BRAF: variants seen among roughly 807,000 people sequenced by gnomAD.
BRAF encodes serine/threonine-protein kinase B-raf.
BRAF carries 16 observed loss-of-function variants against 104.6 expected under a neutral mutation model. The observed-to-expected ratio is 0.15, with a 90% CI of 0.10 to 0.23. BRAF has a LOEUF of 0.23. Ranked by LOEUF, BRAF falls within the 10% of genes least tolerant of loss-of-function variation. BRAF has a pLI of 1.00. For missense variants in BRAF, 541 were observed against 937.3 expected (o/e 0.58, Z 5.52); for synonymous variants, 310 against 341.6 (o/e 0.91, Z 1.02).
intron 14 of BRAF, among the ~76,000 whole-genome samples, chr7:140,761,182 C>T (rs559222995): frequency 6.3e-4 from 96 of 152,232 alleles, no homozygotes; most frequent in South Asian, 2.7e-3. Flanking sequence ...AGACTAACAG[C>T]GGATCTCTCA....
At chr7:140,891,368 A>G (rs1814198535) in intron 1 of BRAF, among the ~76,000 whole-genome samples, 1 of 152,228 alleles carries the variant, frequency 6.6e-6, no homozygotes, top group Non-Finnish European at 1.5e-5. Flanking sequence ...AGTCTCTTAT[A>G]TAAAAAGGGA....
chr7:140,884,241 C>T (rs1813266081), intron 1 of BRAF: 1 of 151,620 alleles, frequency 6.6e-6, no homozygotes, highest in Non-Finnish European at 1.5e-5. Flanking sequence ...CCAACACACT[C>T]GTTATATAAA....
chr7:140,765,454 C>T (rs1799212410), intron 14 of BRAF, among the ~76,000 whole-genome samples: 1 of 152,274 alleles, frequency 6.6e-6, no homozygotes, highest in East Asian at 1.9e-4. Flanking sequence ...CAAATGGGAT[C>T]TAACTAAACT....
chr7:140,717,866 T>A (rs958009664), downstream of BRAF, among the ~76,000 whole-genome samples: 2 of 152,220 alleles, frequency 1.3e-5, no homozygotes, highest in East Asian at 1.9e-4. Context: ...AAACTGCAGT[T>A]CATAGGAAAT....
chr7:140,722,482 T>G lies in BRAF; in HGVS notation c.*4012A>C, dbSNP rs749366613. 13 of 1,055,660 alleles carry G rather than the reference T, an allele frequency of 1.2e-5. No homozygotes were observed. Among genetic ancestry groups the G allele is most frequent in the Non-Finnish European group, 1.5e-5 (13 of 873,256 alleles). The allele number at this position is 1,055,660 out of a possible 1,614,324, so 65.4% of individuals were successfully genotyped here. On this transcript the variant is annotated 3_prime_UTR_variant, in exon 20 of 20. Transcript: ENST00000644969. ...CAAGGTATTTTTCTAGAGCCTCACCTACACCATTTCAACTCATGACCTGTA... is the reference window on the plus strand; with the variant it reads ...CAAGGTATTTTTCTAGAGCCTCACCGACACCATTTCAACTCATGACCTGTA...
intron 2 of BRAF, among the ~76,000 whole-genome samples, chr7:140,838,641 T>C (rs912313290): frequency 6.6e-6 from 1 of 152,126 alleles, no homozygotes; most frequent in African/African-American, 2.4e-5. Context: ...ACAACGGACT[T>C]GAAATTATCA....
At chr7:140,791,352 G>A (rs543937729) in intron 8 of BRAF, among the ~76,000 whole-genome samples, 1 of 152,130 alleles carries the variant, frequency 6.6e-6, no homozygotes, top group African/African-American at 2.4e-5. Flanking sequence ...AATCGTAATG[G>A]CAACTGACAC....
intron 14 of BRAF, among the ~76,000 whole-genome samples, chr7:140,774,063 G>C (rs190060238): frequency 6.6e-6 from 1 of 152,022 alleles, no homozygotes; most frequent in Non-Finnish European, 1.5e-5. Flanking sequence ...AAGATGTGTC[G>C]GTACATTTAA....
intron 11 of BRAF, among the ~76,000 whole-genome samples, chr7:140,782,711 T>C (rs975399010): frequency 3.3e-5 from 5 of 152,218 alleles, no homozygotes; most frequent in African/African-American, 1.2e-4. Context: ...AGTAGATATC[T>C]GAAATATCTG....
chr7:140,884,427 A>ATGTGTGTGTGTGTGTG (rs1491354147), intron 1 of BRAF, among the ~76,000 whole-genome samples: 9 of 114,664 alleles, frequency 7.8e-5, no homozygotes, highest in African/African-American at 2.3e-4. Flanking sequence ...TATATATAAG[A>ATGTGTGTGTGTGTGTG]TATGTGTGTG....
At chr7:140,809,372 C>T (rs1167644480) in intron 3 of BRAF, among the ~76,000 whole-genome samples, 1 of 152,128 alleles carries the variant, frequency 6.6e-6, no homozygotes, top group African/African-American at 2.4e-5. Context: ...AAGCTGAAAA[C>T]TGTATAACCC....
At position 140,749,347 on chromosome 7, in the gene BRAF, A is replaced by G. The variant is rs1380079745; in HGVS notation, c.2052T>C (p.Ile684=). The part of the protein sequence containing the change: ...SFQSDVYAFG[I]VLYELMTGQL... ...GTCCAGTCATCAATTCATACAGAACAATTCCAAATGCATATACATCTGACT... is the reference window on the plus strand; with the variant it reads ...GTCCAGTCATCAATTCATACAGAACGATTCCAAATGCATATACATCTGACT... Residue 684 remains isoleucine (I), a synonymous_variant, in exon 17 of 20, where the codon ATT becomes ATC. Coordinates refer to ENST00000644969, the MANE Select transcript of BRAF (RefSeq NM_001374258.1). 2 of 1,612,882 alleles carry G rather than the reference A, an allele frequency of 1.2e-6. No homozygotes were observed. Among genetic ancestry groups the G allele is most frequent in the Admixed American group, 3.3e-5 (2 of 59,952 alleles).
At position 140,770,952 on chromosome 7, in the gene BRAF, A is replaced by G. The variant is rs547603156; in HGVS notation, c.1814+5960T>C. ...TCTCAAAAAAAAAAAAAAAAAACCAAAAAAGAAGATGATAAAACATACTTT... is the reference window on the plus strand; with the variant it reads ...TCTCAAAAAAAAAAAAAAAAAACCAGAAAAGAAGATGATAAAACATACTTT... On this transcript the variant is annotated intron_variant, in intron 14 of 19. Transcript: ENST00000644969. 1.4e-3 allele frequency among the ~76,000 whole-genome samples: 211 copies of G among 151,766 alleles called. 2 individuals carry two copies. The highest frequency in any genetic ancestry group is 4.6e-3 in the African/African-American group (192 of 41,386).
chr7:140,807,483 A>T (rs1047012816), intron 5 of BRAF, among the ~76,000 whole-genome samples: 2 of 152,100 alleles, frequency 1.3e-5, no homozygotes, highest in African/African-American at 4.8e-5. Context: ...AAAAAAAAAT[A>T]AGGCAAAGAA....
downstream of BRAF, among the ~76,000 whole-genome samples, chr7:140,717,706 T>C (rs951387770): frequency 1.3e-5 from 2 of 152,210 alleles, no homozygotes; most frequent in African/African-American, 2.4e-5. Context: ...AAAGTGTCCA[T>C]AGTTCTGGGC....
chr7:140,759,351 T>C (rs1465504299), intron 14 of BRAF, among the ~76,000 whole-genome samples: 1 of 152,252 alleles, frequency 6.6e-6, no homozygotes, highest in Non-Finnish European at 1.5e-5. Context: ...TTGTTCTTTA[T>C]CCTTGATAAT....
At position 140,726,516 on chromosome 7, in the gene BRAF, C is replaced by T; in HGVS notation, c.2402G>A (p.Gly801Glu). 1 of 1,535,792 alleles carries T rather than the reference C, an allele frequency of 6.5e-7. No individual in the cohort carries two copies. The highest frequency in any genetic ancestry group is 8.7e-7 in the Non-Finnish European group (1 of 1,146,408). Reference sequence around the variant, plus strand: ...TGGCTACTTGAAGGCTGCAAATTCTCCTGTAGAGGGAGGACAAGAGCTAAT... The same window carrying T: ...TGGCTACTTGAAGGCTGCAAATTCTTCTGTAGAGGGAGGACAAGAGCTAAT... ...PKTPIQAGGY[G>E]EFAAFK The change falls in exon 20 of 20, where the codon GGA becomes GAA. Residue 801 changes from glycine (G) to glutamate (E), a missense_variant and splice_region_variant. Physicochemically the swap from Gly to Glu is moderately conservative, Grantham distance 98. Transcript: ENST00000644969.
chr7:140,914,451 T>C (rs146826770), intron 1 of BRAF, among the ~76,000 whole-genome samples: 145 of 152,284 alleles, frequency 9.5e-4, no homozygotes, highest in African/African-American at 3.5e-3. Flanking sequence ...TAAAGGGAGA[T>C]GAACATTTTC....
intron 18 of BRAF, among the ~76,000 whole-genome samples, chr7:140,739,456 A>G (rs542452547): frequency 4.1e-4 from 62 of 150,768 alleles, no homozygotes; most frequent in African/African-American, 1.4e-3. Flanking sequence ...ATTCATTAAT[A>G]TTTTAAAAAA....
Sources: allele counts gnomAD v4.1 joint callset (sites outside exome capture counted in the v4.1 genomes callset), GRCh38; gene constraint gnomAD v4.1.1; transcripts MANE v1.5; gene names NCBI Gene and HGNC (gene_info 2026-07-23, HGNC 2026-07-21).